Variants in NR1D2 observed in about 807,000 individuals in gnomAD.
The protein encoded by NR1D2 is V-erbA-related protein 1-related.
A neutral mutation model predicts 52.2 loss-of-function variants in NR1D2; 25 were observed. The ratio of observed to expected loss-of-function variants is 0.48; its 90% CI spans 0.35 to 0.67. The LOEUF is 0.67. NR1D2 is among the 30% of genes least tolerant of loss of function. The pLI, the probability that NR1D2 is intolerant of heterozygous loss-of-function variation, is 0.01. For synonymous variants in NR1D2, 259 were observed against 230.1 expected, an observed-to-expected ratio of 1.13 and a Z score of -1.14; for missense variants, 681 against 707.2, an observed-to-expected ratio of 0.96 and a Z score of 0.42.
intron 1 of NR1D2, among the ~76,000 whole-genome samples, 157 bp downstream of exon 1, chr3:23,945,751 C>A (rs1274988190): frequency 6.7e-6 from 1 of 150,194 alleles, no homozygotes; most frequent in African/African-American, 2.4e-5. Context: ...GTTCCCATCG[C>A]CCCCCGGGCC....
intron 7 of NR1D2, among the ~76,000 whole-genome samples, chr3:23,974,056 G>A (rs1314535026): frequency 7.1e-6 from 1 of 140,398 alleles, no homozygotes. Context: ...AATATCTCCT[G>A]AAGGACCTGC....
rs79280733 is a variant in NR1D2 at position 23,956,017 on chromosome 3, C to G, written c.284-20C>G. On this transcript the variant is annotated intron_variant, in intron 2 of 7. Coordinates refer to ENST00000312521, the MANE Select transcript of NR1D2 (RefSeq NM_005126.5). ...CGGTGTTTCCTCCTACTTTTTACTTCGTGTCCTTTTGTGTCCTAGAATTTA... is the reference window on the plus strand; with the variant it reads ...CGGTGTTTCCTCCTACTTTTTACTTGGTGTCCTTTTGTGTCCTAGAATTTA... 1,216 of 1,578,344 alleles carry G rather than the reference C, an allele frequency of 7.7e-4. 4 individuals carry two copies. The highest frequency in any genetic ancestry group is 3.7e-3 in the Middle Eastern group (22 of 5,984).
intron 1 of NR1D2, among the ~76,000 whole-genome samples, chr3:23,946,995 CTAATTT>C (rs1342146351): frequency 6.6e-6 from 1 of 152,120 alleles, no homozygotes; most frequent in Non-Finnish European, 1.5e-5. Context: ...AAGTCACTTT[CTAATTT>C]TATTTACGTA....
rs767297579 is a variant in NR1D2 at position 23,967,795 on chromosome 3, T to G, written c.1333-18T>G. On this transcript the variant is annotated intron_variant, in intron 6 of 7. Transcript: ENST00000312521. Reference sequence around the variant, plus strand: ...TGCTGTTAGACTTCTCCAAATACATTTCTTTTTCTTTTTCCAGGTTTTAAT... The same window carrying G: ...TGCTGTTAGACTTCTCCAAATACATGTCTTTTTCTTTTTCCAGGTTTTAAT... The G allele has an allele frequency of 5.6e-6, 9 of 1,597,482 alleles. No individual in the cohort carries two copies. Among genetic ancestry groups the G allele is most frequent in the Non-Finnish European group, 7.7e-6 (9 of 1,168,792 alleles).
intron 1 of NR1D2, among the ~76,000 whole-genome samples, chr3:23,948,240 C>A (rs372655702): frequency 2.8e-4 from 42 of 152,170 alleles, no homozygotes; most frequent in African/African-American, 1.0e-3. Flanking sequence ...AGTTGACAAA[C>A]ATTCAACCAG....
intron 4 of NR1D2, 151 bp from the exon 5 acceptor site, chr3:23,961,826 C>G: frequency 1.4e-6 from 1 of 712,336 alleles, no homozygotes; most frequent in Non-Finnish European, 2.2e-6. Flanking sequence ...TCAAGACCAG[C>G]AAGTTTAGAA....
chr3:23,967,798 T>A lies in NR1D2; in HGVS notation c.1333-15T>A. 6.2e-7 allele frequency: 1 copy of A among 1,601,416 alleles called. No homozygotes were observed. Among genetic ancestry groups the A allele is most frequent in the East Asian group, 2.2e-5 (1 of 44,714 alleles). On this transcript the variant is annotated splice_polypyrimidine_tract_variant and intron_variant, in intron 6 of 7. Coordinates refer to ENST00000312521, the MANE Select transcript of NR1D2 (RefSeq NM_005126.5). ...TGTTAGACTTCTCCAAATACATTTCTTTTTCTTTTTCCAGGTTTTAATGGT... is the reference window on the plus strand; with the variant it reads ...TGTTAGACTTCTCCAAATACATTTCATTTTCTTTTTCCAGGTTTTAATGGT...
intron 6 of NR1D2, 28 bp from the exon 7 acceptor site, chr3:23,967,785 C>T (rs1706488902): frequency 2.5e-6 from 4 of 1,569,334 alleles, no homozygotes; most frequent in East Asian, 2.2e-5. Flanking sequence ...TTAGACTTCT[C>T]CAAATACATT....
intron 7 of NR1D2, among the ~76,000 whole-genome samples, chr3:23,975,817 T>C (rs756153503): frequency 2.0e-5 from 3 of 152,268 alleles, no homozygotes; most frequent in Non-Finnish European, 4.4e-5. Flanking sequence ...ATCAAATTTT[T>C]CTTTTTTTGC....
chr3:23,971,100 T>G (rs928475124), intron 7 of NR1D2, among the ~76,000 whole-genome samples: 1 of 151,764 alleles, frequency 6.6e-6, no homozygotes, highest in African/African-American at 2.4e-5. Flanking sequence ...CATAAATTAC[T>G]AGCTGTTTTT....
intron 4 of NR1D2, among the ~76,000 whole-genome samples, chr3:23,961,674 G>C (rs553245643): frequency 6.6e-6 from 1 of 152,106 alleles, no homozygotes; most frequent in South Asian, 2.1e-4. Context: ...GTGATTAGAA[G>C]CATGAGCTAC....
intron 4 of NR1D2, among the ~76,000 whole-genome samples, chr3:23,960,341 G>T (rs1396620817): frequency 6.6e-6 from 1 of 152,186 alleles, no homozygotes; most frequent in Non-Finnish European, 1.5e-5. Context: ...GGAGGTGGAG[G>T]TTGCACTGAG....
At chr3:23,976,101 A>T (rs1706717145) in intron 7 of NR1D2, among the ~76,000 whole-genome samples, 1 of 152,248 alleles carries the variant, frequency 6.6e-6, no homozygotes. Context: ...TCTATGGGTG[A>T]TCTACATAGG....
intron 7 of NR1D2, 40 bp from the exon 8 acceptor site, chr3:23,977,183 A>T (rs1706751269): frequency 9.1e-7 from 1 of 1,101,664 alleles, no homozygotes; most frequent in Non-Finnish European, 1.2e-6. Flanking sequence ...TTAATAATTT[A>T]TCCTGTTTTT....
intron 7 of NR1D2, among the ~76,000 whole-genome samples, chr3:23,973,520 C>A (rs749212282): frequency 5.3e-5 from 8 of 152,102 alleles, no homozygotes; most frequent in Non-Finnish European, 1.2e-4. Context: ...GGGCATTTAC[C>A]ATGAATGCAG....
At chr3:23,968,300 A>G (rs1020840112) in intron 7 of NR1D2, among the ~76,000 whole-genome samples, 1 of 152,216 alleles carries the variant, frequency 6.6e-6, no homozygotes, top group Non-Finnish European at 1.5e-5. Context: ...ATGAGTCTAA[A>G]TCTTTATTTC....
At chr3:23,972,508 A>G (rs1706616965) in intron 7 of NR1D2, among the ~76,000 whole-genome samples, 1 of 152,246 alleles carries the variant, frequency 6.6e-6, no homozygotes, top group Admixed American at 6.5e-5. Context: ...AGCCACTTCC[A>G]GTTGAAGATT....
At chr3:23,949,676 T>A (rs1705871783) in intron 1 of NR1D2, among the ~76,000 whole-genome samples, 1 of 152,388 alleles carries the variant, frequency 6.6e-6, no homozygotes. Context: ...CAGTTAGATC[T>A]ACTCTACCAC....
intron 1 of NR1D2, among the ~76,000 whole-genome samples, chr3:23,947,846 A>G (rs1011010787): frequency 6.6e-6 from 1 of 152,318 alleles, no homozygotes; most frequent in South Asian, 2.1e-4. Context: ...GGCCGGGCAC[A>G]GTGGCTCACG....
Sources: gnomAD v4.1 joint callset for allele counts (sites outside exome capture counted in the v4.1 genomes callset) on GRCh38, gnomAD v4.1.1 for gene constraint, MANE v1.5 for transcripts, NCBI Gene and HGNC (gene_info 2026-07-23, HGNC 2026-07-21) for gene names.